The following C21orf91 variants were observed in gnomAD, a reference collection of about 807,000 sequenced individuals.
The protein encoded by C21orf91 is chromosome 21 open reading frame 91.
C21orf91 carries 26 observed loss-of-function variants against 32.9 expected under a neutral mutation model. The observed-to-expected ratio is 0.79, with a 90% confidence interval of 0.58 to 1.10. The LOEUF is 1.10. Ranked by LOEUF, C21orf91 falls within the 50% of genes least tolerant of loss-of-function variation. C21orf91 has a pLI of 0.00. For synonymous variants in C21orf91, 126 were observed against 120.4 expected (o/e 1.05, Z -0.31); for missense variants, 310 against 341.3 (o/e 0.91, Z 0.72).
intron 2 of C21orf91, chr21:17,811,365 T>C (rs896764246): frequency 2.0e-5 from 3 of 152,220 alleles, no homozygotes; most frequent in Non-Finnish European, 4.4e-5. Flanking sequence ...CCTAAAAGTA[T>C]AAATTCCCTA....
In C21orf91 at chr21:17,796,688, A is replaced by G. The variant is rs1380030938; in HGVS notation, c.558T>C (p.Ser186=). ...GGTTGTGACTATGAGGCCACAATAC[A>G]CTGTTACGACATAAAGTGGCACCTG... ...QDSGATLCRN[S]VLWPHSHNQA... The change falls in exon 3 of 5, where the codon AGT becomes AGC. Residue 186 remains serine (S), a synonymous_variant. Transcript: ENST00000284881. 5 of 1,613,682 alleles carry G rather than the reference A, an allele frequency of 3.1e-6. No homozygotes were observed. The highest frequency in any genetic ancestry group is 4.2e-6 in the Non-Finnish European group (5 of 1,179,686).
chr21:17,805,901 T>C (rs1395109720), intron 2 of C21orf91, among the ~76,000 whole-genome samples: 3 of 152,202 alleles, frequency 2.0e-5, no homozygotes, highest in Non-Finnish European at 4.4e-5. Flanking sequence ...TGTAATTGAA[T>C]TACTAGTTTT....
At chr21:17,817,231 C>T (rs1434460881) in intron 2 of C21orf91, among the ~76,000 whole-genome samples, 1 of 152,098 alleles carries the variant, frequency 6.6e-6, no homozygotes, top group East Asian at 1.9e-4. Context: ...GTTTGGTGAC[C>T]ATAATAATTT....
chr21:17,814,528 G>T (rs530170051), intron 2 of C21orf91, among the ~76,000 whole-genome samples: 1 of 152,148 alleles, frequency 6.6e-6, no homozygotes, highest in Non-Finnish European at 1.5e-5. Flanking sequence ...TCACAATTCC[G>T]CAGGCTGTAC....
intron 2 of C21orf91, among the ~76,000 whole-genome samples, chr21:17,804,907 T>A (rs545005055): frequency 6.6e-6 from 1 of 152,252 alleles, no homozygotes; most frequent in Non-Finnish European, 1.5e-5. Flanking sequence ...CTCAGTGAAT[T>A]CTACTTTTTC....
rs369373727 is a variant in C21orf91, at chr21:17,793,390, G to C, written c.*25C>G. 11 of 1,527,872 alleles carry C rather than the reference G, an allele frequency of 7.2e-6. No homozygotes were observed. The African/African-American group carries it at 1.1e-4, about 15-fold the overall frequency. 94.6% of individuals were successfully genotyped at this position (1,527,872 alleles called of 1,614,324 possible). On this transcript the variant is annotated 3_prime_UTR_variant, in exon 5 of 5. Coordinates refer to ENST00000284881, the MANE Select transcript of C21orf91 (RefSeq NM_001100420.2). ...TGTCTGGGAGACCAATAAAGGGCAG[G>C]GCATACGAAGTAAGTCTGTTTAGGT...
intron 2 of C21orf91, among the ~76,000 whole-genome samples, chr21:17,803,002 G>C (rs889658878): frequency 6.6e-6 from 1 of 152,190 alleles, no homozygotes; most frequent in African/African-American, 2.4e-5. Flanking sequence ...AGATTGGAAA[G>C]CACTAAGAAA....
rs1297144905 is a variant in C21orf91 at position 17,791,995 on chromosome 21, C to T, written c.*1420G>A. On this transcript the variant is annotated 3_prime_UTR_variant, in exon 5 of 5. Coordinates refer to ENST00000284881, the MANE Select transcript of C21orf91 (RefSeq NM_001100420.2). Reference sequence around the variant, plus strand: ...TTCAACAACAAAATCTGACCCAAGCCAGGGTAGGCTGCCAAATTTAAGGCA... The same window carrying T: ...TTCAACAACAAAATCTGACCCAAGCTAGGGTAGGCTGCCAAATTTAAGGCA... 1 of 152,064 alleles carries T rather than the reference C, an allele frequency of 6.6e-6. No individual in the cohort carries two copies. Among genetic ancestry groups the T allele is most frequent in the Admixed American group, 6.5e-5 (1 of 15,274 alleles). The allele number at this position is 152,064 out of a possible 1,614,324, so 9.4% of individuals were successfully genotyped here. A position where few individuals can be genotyped will look rare whatever the true frequency, so the allele number is the denominator to read the frequency against.
chr21:17,801,280 T>G (rs2062558055), intron 2 of C21orf91, among the ~76,000 whole-genome samples: 1 of 151,954 alleles, frequency 6.6e-6, no homozygotes, highest in Non-Finnish European at 1.5e-5. Context: ...GTATGTTTTT[T>G]TTTTTTTTTA....
At chr21:17,816,004 T>TA (rs1334350249) in intron 2 of C21orf91, among the ~76,000 whole-genome samples, 2 of 152,220 alleles carry the variant, frequency 1.3e-5, no homozygotes, top group Non-Finnish European at 2.9e-5. Context: ...AGCTGATCAC[T>TA]GTAGTGAAAA....
chr21:17,800,745 C>T (rs751722333), intron 2 of C21orf91, among the ~76,000 whole-genome samples: 11 of 152,146 alleles, frequency 7.2e-5, no homozygotes, highest in South Asian at 2.1e-4. Flanking sequence ...TGAAGGCCAA[C>T]GTAATTGACT....
intron 1 of C21orf91, 55 bp from the exon 2 acceptor site, chr21:17,818,380 T>C (rs2062679540): frequency 6.9e-7 from 1 of 1,459,072 alleles, no homozygotes; most frequent in Non-Finnish European, 9.3e-7. Flanking sequence ...GCCTTTGGGG[T>C]AGTTCCCTTT....
intron 3 of C21orf91, 94 bp downstream of exon 3, chr21:17,796,488 T>C (rs1250515009): frequency 4.3e-6 from 4 of 928,270 alleles, no homozygotes; most frequent in Non-Finnish European, 6.6e-6. Context: ...AAATCTATGA[T>C]TCCACAGCAA....
At chr21:17,795,971 TTGTC>T (rs1174331646) in intron 3 of C21orf91, among the ~76,000 whole-genome samples, 2 of 152,190 alleles carry the variant, frequency 1.3e-5, no homozygotes, top group Non-Finnish European at 2.9e-5. Flanking sequence ...AAAAATAAAT[TTGTC>T]TGTCTAGATG....
chr21:17,810,929 G>T (rs1266383349), intron 2 of C21orf91: 1 of 152,202 alleles, frequency 6.6e-6, no homozygotes, highest in Non-Finnish European at 1.5e-5. Flanking sequence ...CATCAGAAAT[G>T]AGTATTTTTG....
At chr21:17,798,138 C>G (rs1352826425) in intron 2 of C21orf91, among the ~76,000 whole-genome samples, 1 of 151,948 alleles carries the variant, frequency 6.6e-6, no homozygotes, top group Non-Finnish European at 1.5e-5. Flanking sequence ...AAGCGGAGAG[C>G]CACTCAGGAG....
At chr21:17,796,309 ATGTTCC>A (rs2062517326) in intron 3 of C21orf91, among the ~76,000 whole-genome samples, 2 of 152,202 alleles carry the variant, frequency 1.3e-5, no homozygotes, top group African/African-American at 4.8e-5. Flanking sequence ...CGAGTCCTAG[ATGTTCC>A]AATTCACAGT....
At chr21:17,810,689 G>GAGC (rs1193802874) in intron 2 of C21orf91, 1 of 152,216 alleles carries the variant, frequency 6.6e-6, no homozygotes, top group African/African-American at 2.4e-5. Context: ...GAAGAACAGA[G>GAGC]AGCAGTGTTA....
rs897300785 is a variant in C21orf91, at chr21:17,792,841, G to T, written c.*574C>A. Reference sequence around the variant, plus strand: ...AATATATTTATCTTTGGAAAGCAAGGTAACCGTTGTGAAAACATTGTATTA... The same window carrying T: ...AATATATTTATCTTTGGAAAGCAAGTTAACCGTTGTGAAAACATTGTATTA... On this transcript the variant is annotated 3_prime_UTR_variant, in exon 5 of 5. Transcript: ENST00000284881. 1.3e-5 allele frequency: 2 copies of T among 152,460 alleles called. No homozygotes were observed. Among genetic ancestry groups the T allele is most frequent in the African/African-American group, 4.8e-5 (2 of 41,412 alleles). 9.4% of individuals were successfully genotyped at this position (152,460 alleles called of 1,614,324 possible). A position where few individuals can be genotyped will look rare whatever the true frequency, so the allele number is the denominator to read the frequency against.
Sources: allele counts gnomAD v4.1 joint callset (sites outside exome capture counted in the v4.1 genomes callset), GRCh38; gene constraint gnomAD v4.1.1; transcripts MANE v1.5; gene names NCBI Gene and HGNC (gene_info 2026-07-23, HGNC 2026-07-21).